PRSS38: variants seen among roughly 807,000 people sequenced by gnomAD.
PRSS38 encodes marapsin 2.
A neutral mutation model predicts 26.8 loss-of-function variants in PRSS38; 22 were observed. The ratio of observed to expected loss-of-function variants is 0.82; its 90% CI spans 0.59 to 1.17. The LOEUF is 1.17. Ranked by LOEUF, PRSS38 falls within the 50% of genes most tolerant of loss-of-function variation. PRSS38 has a pLI of 0.00. For synonymous variants in PRSS38, 175 were observed against 172.1 expected (o/e 1.02, Z -0.13); for missense variants, 427 against 422.7 (o/e 1.01, Z -0.09).
At position 227,816,172 on chromosome 1, in the gene PRSS38, GCACTACGCAGGCCTC is replaced by G; in HGVS notation, c.235_249del (p.Tyr79_His83del). On this transcript the variant is annotated inframe_deletion, in exon 2 of 5. Transcript: ENST00000366757. The surrounding 1 kb of genome is among the most constrained non-coding windows in gnomAD (Gnocchi z 5.1). ...GGAAGTGGCCGTGGCAGGTCAGCGTGCACTACGCAGGCCTCCACGTCTGCGGCGGCTCCATCCTCA... is the reference window on the plus strand; with the variant it reads ...GGAAGTGGCCGTGGCAGGTCAGCGTGCACGTCTGCGGCGGCTCCATCCTCA... The G allele has an allele frequency of 6.2e-7, 1 of 1,613,608 alleles. No individual in the cohort carries two copies.
chr1:227,822,733 G>A (rs777052730), intron 3 of PRSS38, among the ~76,000 whole-genome samples: 1 of 152,128 alleles, frequency 6.6e-6, no homozygotes, highest in Admixed American at 6.5e-5. Context: ...GATCTTTGCA[G>A]GTTGGTCTGT....
chr1:227,816,867 G>A lies in PRSS38; in HGVS notation c.312-342G>A, dbSNP rs371136240. Among the ~76,000 whole-genome samples the A allele has an allele frequency of 1.3e-3, 205 of 152,310 alleles. 1 individual carries two copies. Among genetic ancestry groups the A allele is most frequent in the African/African-American group, 3.5e-3 (147 of 41,584 alleles). On this transcript the variant is annotated intron_variant, in intron 2 of 4. Coordinates refer to ENST00000366757, the Ensembl canonical transcript of PRSS38. This position sits in a 1 kb window ranked among gnomAD's most constrained non-coding sequence, Gnocchi z 5.1. ...CAGCCCCATTCACCACAGCTGCCCC[G>A]CACAGCAGGCACGCCTCTCCTGTGG...
chr1:227,831,194 T>C (rs536631326), intron 3 of PRSS38, among the ~76,000 whole-genome samples: 3 of 152,344 alleles, frequency 2.0e-5, no homozygotes, highest in Admixed American at 2.0e-4. Flanking sequence ...TGCACTGTTT[T>C]AAATGCTTCC....
intron 3 of PRSS38, among the ~76,000 whole-genome samples, chr1:227,839,512 G>GAA (rs747840767): frequency 1.1e-4 from 15 of 139,474 alleles, no homozygotes; most frequent in Non-Finnish European, 2.2e-4. Context: ...CTGTCTCAAG[G>GAA]AAAAAAAAAA....
Position 227,817,266 on chromosome 1 carries a change from C to T in PRSS38, c.369C>T (p.Ala123=), listed in dbSNP as rs142282956. The T allele has an allele frequency of 1.4e-3, 2,331 of 1,614,090 alleles. 14 individuals carry two copies. The highest frequency in any genetic ancestry group is 3.8e-3 in the Middle Eastern group (23 of 6,062). ...TAGGCCTCGTAAACCTCAGGGTGGC[C>T]GGCAACCACACCCAGTGGTATGAGG... The change falls in exon 3 of 5, where the codon GCC becomes GCT. Residue 123 remains alanine, a synonymous_variant. Transcript: ENST00000366757.
exon 5 of PRSS38, chr1:227,846,357 T>C (rs1665431356): frequency 2.9e-6 from 3 of 1,026,464 alleles, no homozygotes; most frequent in Admixed American, 2.6e-5. Context: ...CAGGAGGTGA[T>C]GAGCAAGTGT....
intron 3 of PRSS38, among the ~76,000 whole-genome samples, chr1:227,840,036 A>G (rs1167116381): frequency 6.6e-6 from 1 of 152,222 alleles, no homozygotes; most frequent in African/African-American, 2.4e-5. Flanking sequence ...CCTGTCTTAC[A>G]GGGGTCAGTA....
chr1:227,837,457 G>A (rs1403176345), intron 3 of PRSS38, among the ~76,000 whole-genome samples: 3 of 152,122 alleles, frequency 2.0e-5, no homozygotes, highest in African/African-American at 7.2e-5. Flanking sequence ...AGTTCTTTCA[G>A]TGTTTGCACG....
chr1:227,825,013 G>C (rs966340656), intron 3 of PRSS38, among the ~76,000 whole-genome samples: 1 of 152,062 alleles, frequency 6.6e-6, no homozygotes, highest in African/African-American at 2.4e-5. Context: ...CTCCCATTCT[G>C]TAGGTTGTCT....
At position 227,836,405 on chromosome 1, in the gene PRSS38, C is replaced by CATAACAGAATTTTCATT. The variant is rs1367294027; in HGVS notation, c.584-9065_584-9064insATAACAGAATTTTCATT. Among the ~76,000 whole-genome samples, 432 of 58,858 alleles carry CATAACAGAATTTTCATT rather than the reference C, an allele frequency of 7.3e-3. 97 individuals are homozygous for CATAACAGAATTTTCATT. Among genetic ancestry groups the CATAACAGAATTTTCATT allele is most frequent in the South Asian group, 0.016 (22 of 1,352 alleles). The allele number at this position is 58,858 out of a possible 152,430, so 38.6% of individuals were successfully genotyped here. A position where few individuals can be genotyped will look rare whatever the true frequency, so the allele number is the denominator to read the frequency against. Reference sequence around the variant, plus strand: ...CAAAAAAGTTTTTAATAAAAGCTTCCGGCCGGGCGCGGTGGCTCACGCCTG... The same window carrying CATAACAGAATTTTCATT: ...CAAAAAAGTTTTTAATAAAAGCTTCCATAACAGAATTTTCATTGGCCGGGCGCGGTGGCTCACGCCTG... On this transcript the variant is annotated intron_variant, in intron 3 of 4. Transcript: ENST00000366757.
At chr1:227,824,001 CTATTTT>C (rs1247053281) in intron 3 of PRSS38, among the ~76,000 whole-genome samples, 1 of 152,140 alleles carries the variant, frequency 6.6e-6, no homozygotes, top group African/African-American at 2.4e-5. Flanking sequence ...AATGGTAGCT[CTATTTT>C]TAGTTCTTTG....
chr1:227,816,357 A>G lies in PRSS38; in HGVS notation c.311+105A>G. ...CAAGCCTCCCCCATCACCATTGTCG[A>G]CTCCCTTCACCACTGTCGACCCGCG... On this transcript the variant is annotated intron_variant, in intron 2 of 4. Transcript: ENST00000366757. This position sits in a 1 kb window ranked among gnomAD's most constrained non-coding sequence, Gnocchi z 5.1. 7.9e-7 allele frequency: 1 copy of G among 1,263,080 alleles called. No homozygotes were observed. Among genetic ancestry groups the G allele is most frequent in the Non-Finnish European group, 1.1e-6 (1 of 908,536 alleles). The allele number at this position is 1,263,080 out of a possible 1,614,324, so 78.2% of individuals were successfully genotyped here.
chr1:227,833,680 T>C (rs1246534304), intron 3 of PRSS38, among the ~76,000 whole-genome samples: 1 of 152,216 alleles, frequency 6.6e-6, no homozygotes, highest in Non-Finnish European at 1.5e-5. Context: ...CCCATTCATT[T>C]TCAATGAAGG....
chr1:227,840,728 TTC>T (rs1665325443), intron 3 of PRSS38, among the ~76,000 whole-genome samples: 2 of 152,136 alleles, frequency 1.3e-5, no homozygotes, highest in Non-Finnish European at 2.9e-5. Flanking sequence ...TCTTTCGAGT[TTC>T]TCTCTTTTCT....
At chr1:227,839,792 C>T (rs1665290654) in intron 3 of PRSS38, among the ~76,000 whole-genome samples, 1 of 152,054 alleles carries the variant, frequency 6.6e-6, no homozygotes, top group South Asian at 2.1e-4. Context: ...GACAGCACCC[C>T]GAGGGTACTT....
chr1:227,845,416 C>T, intron 3 of PRSS38, 54 bp from the exon 4 acceptor site: 3 of 1,382,598 alleles, frequency 2.2e-6, no homozygotes, highest in South Asian at 2.5e-5. Flanking sequence ...GCAGGGATCC[C>T]CCCACCCCAC....
rs1294139817 is a variant in PRSS38, at chr1:227,816,152, T to C, written c.211T>C (p.Trp71Arg). ...CGGCGTCCCTGCGCCCGAGAGGAAG[T>C]GGCCGTGGCAGGTCAGCGTGCACTA... The change falls in exon 2 of 5, where the codon TGG becomes CGG. Residue 71 changes from tryptophan to arginine, a missense_variant. Coordinates refer to ENST00000366757, the Ensembl canonical transcript of PRSS38. This position sits in a 1 kb window ranked among gnomAD's most constrained non-coding sequence, Gnocchi z 5.1. 1.9e-6 allele frequency: 3 copies of C among 1,613,754 alleles called. No individual in the cohort carries two copies. Among genetic ancestry groups the C allele is most frequent in the Non-Finnish European group, 2.5e-6 (3 of 1,179,920 alleles).
intron 3 of PRSS38, among the ~76,000 whole-genome samples, chr1:227,838,381 G>A (rs1479422835): frequency 2.0e-5 from 3 of 152,224 alleles, no homozygotes. Flanking sequence ...GGCCTGTGGT[G>A]CTGTCCATGG....
rs1664920804 is a variant in PRSS38, at chr1:227,816,503, C to A, written c.311+251C>A. Among the ~76,000 whole-genome samples, 1 of 151,744 alleles carries A rather than the reference C, an allele frequency of 6.6e-6. No individual in the cohort carries two copies. Among genetic ancestry groups the A allele is most frequent in the Non-Finnish European group, 1.5e-5 (1 of 67,902 alleles). On this transcript the variant is annotated intron_variant, in intron 2 of 4. Transcript: ENST00000366757. The surrounding 1 kb of genome is among the most constrained non-coding windows in gnomAD (Gnocchi z 5.1). The stretch of plus-strand genomic sequence containing the variant: ...AGAGTGATGCTGGTCCCCAAGATCA[C>A]AGCCAGGTCCTCATATGCAAGGCTG...
Sources: gnomAD v4.1 joint callset for allele counts (sites outside exome capture counted in the v4.1 genomes callset) on GRCh38, gnomAD v4.1.1 for gene constraint, Gnocchi (gnomAD v3.1) non-coding constraint, MANE v1.5 for transcripts, NCBI Gene and HGNC (gene_info 2026-07-23, HGNC 2026-07-21) for gene names.